SEM1: variants seen among roughly 807,000 people sequenced by gnomAD.
The protein encoded by SEM1 is 26S proteasome complex subunit SEM1.
A neutral mutation model predicts 12.7 loss-of-function variants in SEM1; 3 were observed. The ratio of observed to expected loss-of-function variants is 0.24; its 90% CI spans 0.11 to 0.61. The LOEUF (loss-of-function observed/expected upper bound fraction) is 0.61. SEM1 is among the 20% of genes least tolerant of loss of function. The pLI, the probability that SEM1 is intolerant of heterozygous loss-of-function variation, is 0.88. For missense variants in SEM1, 59 were observed against 81.3 expected, an observed-to-expected ratio of 0.73 and a Z score of 1.06; for synonymous variants, 30 against 27.8, an observed-to-expected ratio of 1.08 and a Z score of -0.25.
upstream of SEM1, among the ~76,000 whole-genome samples, chr7:96,499,682 A>G (rs1418694537): frequency 6.6e-6 from 1 of 152,156 alleles, no homozygotes; most frequent in Non-Finnish European, 1.5e-5. Context: ...TTTTGTTCCA[A>G]CTCCACCACA....
At chr7:96,551,991 A>G (rs1427403190) in intron 2 of SEM1, among the ~76,000 whole-genome samples, 1 of 152,188 alleles carries the variant, frequency 6.6e-6, no homozygotes, top group East Asian at 1.9e-4. Context: ...TGGCAGTCAC[A>G]AGAAGCTAGT....
chr7:96,645,343 G>A lies in SEM1; in HGVS notation c.171-22700C>T, dbSNP rs80109755. The A allele has an allele frequency of 2.3e-3, 367 of 157,894 alleles. 2 individuals are homozygous for A. Among genetic ancestry groups the A allele is most frequent in the African/African-American group, 8.4e-3 (352 of 41,858 alleles). The allele number at this position is 157,894 out of a possible 1,614,324, so 9.8% of individuals were successfully genotyped here. ...AGTAAATACTGTATAATGGAATATG[G>A]TTGCTACTGTAGAGGTAGGTTCAGG... is the stretch of plus-strand genomic sequence containing the variant. On this transcript the variant is annotated intron_variant, in intron 2 of 2. Transcript: ENST00000417009.
At chr7:96,514,862 A>C (rs1378884725) in intron 2 of SEM1, among the ~76,000 whole-genome samples, 2 of 149,302 alleles carry the variant, frequency 1.3e-5, no homozygotes, top group Non-Finnish European at 3.0e-5. Flanking sequence ...CCTTCAATAT[A>C]ATCTCAATCA....
chr7:96,489,818 CT>C (rs909739884), intron 1 of SEM1, among the ~76,000 whole-genome samples: 2 of 152,174 alleles, frequency 1.3e-5, no homozygotes, highest in African/African-American at 4.8e-5. Context: ...CACATGGCCT[CT>C]GTGTATCTAT....
At chr7:96,524,661 T>A (rs1047970470) in intron 2 of SEM1, among the ~76,000 whole-genome samples, 5 of 151,966 alleles carry the variant, frequency 3.3e-5, no homozygotes, top group Non-Finnish European at 7.4e-5. Context: ...ACCCATTATA[T>A]TAAAAAATTA....
At chr7:96,531,444 A>G (rs1386073932) in intron 2 of SEM1, among the ~76,000 whole-genome samples, 1 of 151,428 alleles carries the variant, frequency 6.6e-6, no homozygotes, top group East Asian at 2.0e-4. Flanking sequence ...AAAAACAAAC[A>G]AAAAGAAAAA....
intron 2 of SEM1, among the ~76,000 whole-genome samples, chr7:96,605,959 C>T (rs935768867): frequency 5.3e-5 from 8 of 152,116 alleles, no homozygotes; most frequent in Admixed American, 1.3e-4. Flanking sequence ...GCTACCCTTC[C>T]GCTAGTCACT....
At chr7:96,547,824 C>T (rs901489873) in intron 2 of SEM1, among the ~76,000 whole-genome samples, 3 of 152,124 alleles carry the variant, frequency 2.0e-5, no homozygotes, top group African/African-American at 7.2e-5. Context: ...TTACTCACTG[C>T]TACTCTACTG....
At chr7:96,637,917 A>G (rs1808478176) in intron 2 of SEM1, among the ~76,000 whole-genome samples, 1 of 151,768 alleles carries the variant, frequency 6.6e-6, no homozygotes, top group African/African-American at 2.4e-5. Flanking sequence ...CCTCTTCTCT[A>G]CCCACCCTCA....
chr7:96,709,417 T>C (rs1790577061), intron 1 of SEM1, among the ~76,000 whole-genome samples: 1 of 152,150 alleles, frequency 6.6e-6, no homozygotes, highest in South Asian at 2.1e-4. Flanking sequence ...GGACCAACCA[T>C]CACAGACGCG....
intron 2 of SEM1, among the ~76,000 whole-genome samples, chr7:96,612,663 TGTTGCCCA>T (rs1403083224): frequency 2.0e-5 from 3 of 152,212 alleles, no homozygotes; most frequent in Non-Finnish European, 2.9e-5. Flanking sequence ...AGTCTCGCTC[TGTTGCCCA>T]GTCGCCCAGG....
intron 2 of SEM1, among the ~76,000 whole-genome samples, chr7:96,529,189 A>G (rs1364359786): frequency 2.0e-5 from 3 of 152,122 alleles, no homozygotes; most frequent in African/African-American, 7.2e-5. Flanking sequence ...GCTTGTAGAC[A>G]TTCCTTCCCT....
intron 2 of SEM1, among the ~76,000 whole-genome samples, chr7:96,507,956 C>T (rs1803809317): frequency 6.6e-6 from 1 of 152,098 alleles, no homozygotes. Flanking sequence ...TTCCAGTTTT[C>T]CATTCTGTTT....
exon 2 of SEM1, chr7:96,486,342 T>C (rs1473973489): frequency 6.5e-7 from 1 of 1,537,070 alleles, no homozygotes; most frequent in African/African-American, 1.4e-5. Context: ...ATGCTGGGTC[T>C]CCTCCCCCTT....
intron 1 of SEM1, among the ~76,000 whole-genome samples, chr7:96,709,174 G>A (rs1790566652): frequency 6.6e-6 from 1 of 152,036 alleles, no homozygotes; most frequent in African/African-American, 2.4e-5. Flanking sequence ...AAATGGTGAG[G>A]AACAGGAATG....
At chr7:96,493,908 T>G (rs1305048959) in intron 1 of SEM1, among the ~76,000 whole-genome samples, 1 of 152,212 alleles carries the variant, frequency 6.6e-6, no homozygotes, top group Non-Finnish European at 1.5e-5. Context: ...ATTTCCTACA[T>G]TTTTTAGTTT....
chr7:96,509,494 A>G (rs1803864639), intron 2 of SEM1, among the ~76,000 whole-genome samples: 1 of 152,154 alleles, frequency 6.6e-6, no homozygotes, highest in Non-Finnish European at 1.5e-5. Flanking sequence ...CACTGAATCA[A>G]TGGAAGAACA....
chr7:96,553,077 T>A (rs1309892468), intron 2 of SEM1, among the ~76,000 whole-genome samples: 1 of 152,178 alleles, frequency 6.6e-6, no homozygotes, highest in Admixed American at 6.5e-5. Flanking sequence ...TTGAGTTCAT[T>A]GTAGATTCTG....
At chr7:96,557,367 T>G (rs552681455) in intron 2 of SEM1, among the ~76,000 whole-genome samples, 3 of 138,628 alleles carry the variant, frequency 2.2e-5, no homozygotes, top group Non-Finnish European at 4.8e-5. Context: ...AGATGGGTTT[T>G]TGGTGTGGAT....
Sources: allele counts gnomAD v4.1 joint callset (sites outside exome capture counted in the v4.1 genomes callset), GRCh38; gene constraint gnomAD v4.1.1; transcripts MANE v1.5; gene names NCBI Gene and HGNC (gene_info 2026-07-23, HGNC 2026-07-21).